Variants in LNX1 observed in about 807,000 individuals in gnomAD.
The protein encoded by LNX1 is ligand of numb-protein X 1.
LNX1 carries 54 observed loss-of-function variants against 68.4 expected under a neutral mutation model. The observed-to-expected ratio is 0.79, with a 90% confidence interval of 0.63 to 0.99. LNX1 has a LOEUF of 0.99. Among genes scored for constraint, LNX1 ranks in the 50% least tolerant of loss-of-function variants. LNX1 has a pLI of 0.00. For synonymous variants in LNX1, 336 were observed against 350.0 expected (o/e 0.96, Z 0.45); for missense variants, 906 against 926.4 (o/e 0.98, Z 0.29).
In LNX1 at chr4:53,474,754, A is replaced by AAG. The variant is rs1297272282; in HGVS notation, c.1892+1997_1892+1998dup. ...ACTGTCCATTTAGAGGAAATGAGCA[A>AAG]AGTGCAGACTCTACTTCTTCTTTTT... is the stretch of plus-strand genomic sequence containing the variant. On this transcript the variant is annotated intron_variant, in intron 9 of 10. Transcript: ENST00000263925. Among the ~76,000 whole-genome samples the AAG allele has an allele frequency of 4.2e-5, 6 of 142,328 alleles. No homozygotes were observed. In the East Asian group the frequency reaches 8.3e-4, roughly 20 times the overall value. 93.4% of individuals were successfully genotyped at this position (142,328 alleles called of 152,430 possible).
intron 1 of LNX1, among the ~76,000 whole-genome samples, chr4:53,626,976 G>A (rs1278301463): frequency 6.6e-6 from 1 of 152,188 alleles, no homozygotes; most frequent in Non-Finnish European, 1.5e-5. Flanking sequence ...TTGACAAAAT[G>A]TATTATAAAG....
intron 9 of LNX1, among the ~76,000 whole-genome samples, chr4:53,472,146 A>G (rs1329638576): frequency 1.3e-5 from 2 of 152,256 alleles, no homozygotes; most frequent in Non-Finnish European, 2.9e-5. Flanking sequence ...ACCATGGAAT[A>G]CTATGTAGCC....
At chr4:53,617,604 C>A (rs752249693), upstream of LNX1, 1 of 152,156 alleles carries the variant, frequency 6.6e-6, no homozygotes, top group African/African-American at 2.4e-5. Context: ...TTTTATACAA[C>A]CTTGTTGGTG....
chr4:53,595,919 C>T (rs925556826), upstream of LNX1, among the ~76,000 whole-genome samples: 2 of 151,994 alleles, frequency 1.3e-5, no homozygotes, highest in African/African-American at 4.8e-5. Flanking sequence ...TGATTGAATG[C>T]CACAATTAAA....
Position 53,548,121 on chromosome 4 carries a change from G to GAAA in LNX1, c.380+25499_380+25501dup, listed in dbSNP as rs11377097. ...TGAGCACACAGAAGGAGTGATGGTT[G>GAAA]AAAAAAAAAAAAAGTCGGGGGAAAT... is the stretch of plus-strand genomic sequence containing the variant. On this transcript the variant is annotated intron_variant, in intron 2 of 10. Coordinates refer to ENST00000263925, the MANE Select transcript of LNX1 (RefSeq NM_001126328.3). Among the ~76,000 whole-genome samples, 214 of 142,018 alleles carry GAAA rather than the reference G, an allele frequency of 1.5e-3. 2 individuals are homozygous for GAAA. Among genetic ancestry groups the GAAA allele is most frequent in the African/African-American group, 4.9e-3 (189 of 38,216 alleles). 93.2% of individuals were successfully genotyped at this position (142,018 alleles called of 152,430 possible).
intron 6 of LNX1, among the ~76,000 whole-genome samples, chr4:53,494,318 G>A (rs1309012535): frequency 2.0e-5 from 3 of 152,178 alleles, no homozygotes; most frequent in African/African-American, 7.2e-5. Flanking sequence ...GAGGCCTCCC[G>A]AGCCATGTGG....
At chr4:53,541,785 T>C (rs1728781464) in intron 2 of LNX1, among the ~76,000 whole-genome samples, 1 of 152,146 alleles carries the variant, frequency 6.6e-6, no homozygotes. Context: ...GAACACAGAT[T>C]TACAAGTAAA....
intron 2 of LNX1, among the ~76,000 whole-genome samples, chr4:53,528,381 C>T (rs951811585): frequency 3.3e-5 from 5 of 152,180 alleles, no homozygotes; most frequent in African/African-American, 1.2e-4. Context: ...AATGCTATGT[C>T]ATAGCTATGT....
intron 2 of LNX1, among the ~76,000 whole-genome samples, chr4:53,543,542 A>C (rs1433662956): frequency 6.6e-6 from 1 of 152,084 alleles, no homozygotes; most frequent in African/African-American, 2.4e-5. Context: ...AAAAAATCAC[A>C]CTATACAAAG....
At chr4:53,577,080 G>A (rs1288057737) in intron 1 of LNX1, among the ~76,000 whole-genome samples, 1 of 152,240 alleles carries the variant, frequency 6.6e-6, no homozygotes, top group African/African-American at 2.4e-5. Flanking sequence ...GGGTAAAGTT[G>A]TTTCAAGGAA....
chr4:53,626,852 A>G (rs1372065472), intron 1 of LNX1, among the ~76,000 whole-genome samples: 1 of 152,198 alleles, frequency 6.6e-6, no homozygotes, highest in Non-Finnish European at 1.5e-5. Context: ...ATCTAATAAA[A>G]ACCACACCAT....
chr4:53,489,381 T>C (rs1448953251), intron 6 of LNX1, among the ~76,000 whole-genome samples: 1 of 152,168 alleles, frequency 6.6e-6, no homozygotes, highest in Non-Finnish European at 1.5e-5. Flanking sequence ...ACATTAATGA[T>C]AATACAGATG....
Position 53,564,051 on chromosome 4 carries a change from C to A in LNX1, c.380+9572G>T, listed in dbSNP as rs116058945. 6.6e-5 allele frequency among the ~76,000 whole-genome samples: 10 copies of A among 152,300 alleles called. No homozygotes were observed. The East Asian group carries it at 1.9e-3, about 29-fold the overall frequency. ...ATCCTCTCCAGAGAGCTGCTGTGGG[C>A]GCCTGTGAAGGACTCACTCACAGGG... On this transcript the variant is annotated intron_variant, in intron 2 of 10. Coordinates refer to ENST00000263925, the MANE Select transcript of LNX1 (RefSeq NM_001126328.3).
chr4:53,627,225 A>G (rs570707112), intron 1 of LNX1, among the ~76,000 whole-genome samples: 56 of 152,310 alleles, frequency 3.7e-4, no homozygotes, highest in African/African-American at 1.3e-3. Flanking sequence ...TATGATGGGA[A>G]CAGAGTTTAG....
At chr4:53,467,208 C>T (rs879805175) in intron 9 of LNX1, among the ~76,000 whole-genome samples, 18 of 152,092 alleles carry the variant, frequency 1.2e-4, no homozygotes, top group African/African-American at 3.1e-4. Context: ...CTGTAGACAC[C>T]GCTGCTGATA....
intron 1 of LNX1, among the ~76,000 whole-genome samples, chr4:53,580,904 G>T (rs1731794235): frequency 6.6e-6 from 1 of 152,160 alleles, no homozygotes; most frequent in Non-Finnish European, 1.5e-5. Flanking sequence ...AAAGGGAAAT[G>T]AAAACCATTT....
intron 2 of LNX1, among the ~76,000 whole-genome samples, chr4:53,613,516 C>G (rs1038694305): frequency 1.7e-4 from 26 of 152,224 alleles, no homozygotes; most frequent in Admixed American, 4.6e-4. Context: ...CCTCCACCCC[C>G]CACCGTCCAG....
intron 9 of LNX1, among the ~76,000 whole-genome samples, chr4:53,472,793 CA>C (rs78986674): frequency 0.12 from 18,569 of 150,078 alleles, 1,208 homozygotes; most frequent in Non-Finnish European, 0.15. Context: ...AGAGGCCAAG[CA>C]GGGGGAAGGC....
At chr4:53,504,221 A>C (rs572345526) in intron 4 of LNX1, among the ~76,000 whole-genome samples, 4 of 152,236 alleles carry the variant, frequency 2.6e-5, no homozygotes, top group Non-Finnish European at 5.9e-5. Flanking sequence ...CAGCTTCTAC[A>C]ATCAGCATTT....
Sources: allele counts gnomAD v4.1 joint callset (sites outside exome capture counted in the v4.1 genomes callset), GRCh38; gene constraint gnomAD v4.1.1; transcripts MANE v1.5; gene names NCBI Gene and HGNC (gene_info 2026-07-23, HGNC 2026-07-21).